The following NDRG2 variants were observed in gnomAD, a reference collection of about 807,000 sequenced individuals.
NDRG2 encodes NDRG family member 2.
In NDRG2, 34 loss-of-function variants were observed where a neutral mutation model predicts 58.2. The observed-to-expected ratio is 0.58, with a 90% CI of 0.44 to 0.78. The LOEUF (loss-of-function observed/expected upper bound fraction) is 0.78, where lower values mean the gene tolerates loss of function less well. NDRG2 is among the 30% of genes least tolerant of loss of function. NDRG2 has a pLI of 0.00. For synonymous variants in NDRG2, 187 were observed against 175.9 expected, an observed-to-expected ratio of 1.06 and a Z score of -0.50; for missense variants, 434 against 471.2, an observed-to-expected ratio of 0.92 and a Z score of 0.73.
At chr14:21,034,106 G>A (rs1188953007) in intron 1 of NDRG2, 1 of 1,614,172 alleles carries the variant, frequency 6.2e-7, no homozygotes, top group South Asian at 1.1e-5. Flanking sequence ...TTTGCATCTT[G>A]CCTCGCATAT....
intron 1 of NDRG2, chr14:21,048,428 C>A (rs1323879582): frequency 6.6e-6 from 1 of 152,120 alleles, no homozygotes; most frequent in African/African-American, 2.4e-5. Context: ...GATAGAACGC[C>A]TCTTAGCTTA....
chr14:21,023,283 C>T lies in NDRG2; in HGVS notation c.33G>A (p.Glu11=), dbSNP rs1881807070. The T allele has an allele frequency of 6.2e-7, 1 of 1,613,950 alleles. No homozygotes were observed. The highest frequency in any genetic ancestry group is 8.5e-7 in the Non-Finnish European group (1 of 1,179,948). MAELQEVQIT[E]EKPLLPGQTP... is the part of the protein sequence containing the mutation. ...TCTGTCCTGGCAACAGTGGCTTCTC[C>T]TCTGTGATCTGCACCTCCTGCAGCT... The change falls in exon 2 of 16, where the codon GAG becomes GAA. Residue 11 remains glutamate (E), a synonymous_variant. Transcript: ENST00000556147.
Position 21,023,248 on chromosome 14 carries a change from G to C in NDRG2, c.68C>G (p.Ala23Gly), listed in dbSNP as rs765195183. 1.2e-6 allele frequency: 2 copies of C among 1,613,640 alleles called. No homozygotes were observed. Among genetic ancestry groups the C allele is most frequent in the African/African-American group, 2.7e-5 (2 of 74,904 alleles). Residue 23 changes from alanine to glycine, a missense_variant, in exon 2 of 16, where the codon GCG (alanine) becomes GGG (glycine). By Grantham distance (60) the Ala-to-Gly change is moderately conservative (BLOSUM62 0). Coordinates refer to ENST00000556147, the MANE Select transcript of NDRG2 (RefSeq NM_001320329.2). ...KPLLPGQTPE[A>G]AKEAELAARI... The stretch of plus-strand genomic sequence containing the variant: ...CAAACGGTCTCTAATAACCTTGGCC[G>C]CCTCAGGCGTCTGTCCTGGCAACAG...
intron 10 of NDRG2, 97 bp downstream of exon 10, chr14:21,019,542 C>T (rs769655075): frequency 1.8e-5 from 14 of 791,422 alleles, no homozygotes; most frequent in Non-Finnish European, 2.7e-5. Flanking sequence ...ACATTGCACA[C>T]TACCCAGACT....
chr14:21,043,205 C>A lies in NDRG2; in HGVS notation c.25-19884G>T, dbSNP rs1295907474. 3.1e-6 allele frequency: 5 copies of A among 1,614,114 alleles called. No homozygotes were observed. The African/African-American group carries it at 5.3e-5, about 17-fold the overall frequency. Reference sequence around the variant, plus strand: ...AACGGTGCAAAGACCTCAACACCTTCCTGCACGAGCCTTTCTCCAGTGTGG... The same window carrying A: ...AACGGTGCAAAGACCTCAACACCTTACTGCACGAGCCTTTCTCCAGTGTGG... On this transcript the variant is annotated intron_variant, in intron 1 of 14. Coordinates refer to the NDRG2 transcript ENST00000403829.
At chr14:21,025,699 C>A, upstream of NDRG2, 1 of 984,706 alleles carries the variant, frequency 1.0e-6, no homozygotes, top group Non-Finnish European at 1.2e-6. The surrounding 1 kb of genome is among the most constrained non-coding windows in gnomAD (Gnocchi z 5.1). Flanking sequence ...TGCTGCGTCC[C>A]GACGCCTGCT....
chr14:21,022,521 A>G, intron 3 of NDRG2, 24 bp from the exon 4 acceptor site: 1 of 1,571,232 alleles, frequency 6.4e-7, no homozygotes, highest in South Asian at 1.1e-5. Flanking sequence ...GGGCACCAAG[A>G]GCTAGGCTCA....
intron 11 of NDRG2, 96 bp from the exon 12 acceptor site, chr14:21,018,910 AGAG>A: frequency 6.6e-7 from 1 of 1,508,430 alleles, no homozygotes; most frequent in South Asian, 1.2e-5. Flanking sequence ...CTGGCTCCAA[AGAG>A]GAAAGACACT....
At chr14:21,062,144 G>A (rs1404655916) in intron 1 of NDRG2, among the ~76,000 whole-genome samples, 2 of 152,198 alleles carry the variant, frequency 1.3e-5, no homozygotes, top group African/African-American at 4.8e-5. Flanking sequence ...AAACATAAGT[G>A]TTAAAAAGCC....
chr14:21,018,085 G>A, intron 14 of NDRG2, 47 bp from the exon 15 acceptor site: 1 of 1,606,914 alleles, frequency 6.2e-7, no homozygotes, highest in East Asian at 2.2e-5. Flanking sequence ...TGAGGTTAGA[G>A]GAAGAGCTGG....
chr14:21,052,637 G>C (rs1885516305), intron 1 of NDRG2, among the ~76,000 whole-genome samples: 1 of 152,206 alleles, frequency 6.6e-6, no homozygotes, highest in African/African-American at 2.4e-5. Flanking sequence ...CATACGGAAT[G>C]GGTAGACTGG....
chr14:21,066,243 G>C (rs1886255457), intron 1 of NDRG2, among the ~76,000 whole-genome samples: 1 of 151,974 alleles, frequency 6.6e-6, no homozygotes, highest in African/African-American at 2.4e-5. Context: ...AGGCAGAAAA[G>C]GAATCATGAT....
At chr14:21,028,509 C>T (rs1185442686), upstream of NDRG2, 1 of 152,138 alleles carries the variant, frequency 6.6e-6, no homozygotes, top group Non-Finnish European at 1.5e-5. Flanking sequence ...CCACTGTGCC[C>T]TGCCCAAGAA....
At chr14:21,059,856 T>G (rs1438794680) in intron 1 of NDRG2, among the ~76,000 whole-genome samples, 1 of 152,214 alleles carries the variant, frequency 6.6e-6, no homozygotes, top group Non-Finnish European at 1.5e-5. Context: ...CCTCTCAATT[T>G]CTGTACTTGT....
intron 1 of NDRG2, among the ~76,000 whole-genome samples, chr14:21,059,580 G>T (rs959688754): frequency 1.3e-5 from 2 of 151,822 alleles, no homozygotes; most frequent in African/African-American, 2.4e-5. Flanking sequence ...CTGCAGTCTC[G>T]ACATCCTGGG....
intron 1 of NDRG2, chr14:21,034,424 G>T: frequency 1.5e-6 from 1 of 674,294 alleles, no homozygotes; most frequent in South Asian, 2.0e-5. Context: ...AAGTTCTCAT[G>T]ACCCAGAAAG....
At chr14:21,046,701 T>C (rs1353428968) in intron 1 of NDRG2, among the ~76,000 whole-genome samples, 2 of 152,160 alleles carry the variant, frequency 1.3e-5, no homozygotes, top group Non-Finnish European at 2.9e-5. Context: ...AAAACTTAAC[T>C]ACTAATAGCC....
At chr14:21,057,617 T>TTATATATATATATATATATATATATATA (rs1344480231) in intron 1 of NDRG2, among the ~76,000 whole-genome samples, 6 of 30,482 alleles carry the variant, frequency 2.0e-4, no homozygotes, top group African/African-American at 4.9e-4. Flanking sequence ...CTCATTTTAT[T>TTATATATATATATATATATATATATATA]CATATATATA....
chr14:21,036,839 A>C (rs566956728), intron 1 of NDRG2, among the ~76,000 whole-genome samples: 1 of 152,324 alleles, frequency 6.6e-6, no homozygotes, highest in African/African-American at 2.4e-5. Flanking sequence ...CCGTCAAGCA[A>C]GTGAGGATAG....
Sources: allele counts gnomAD v4.1 joint callset (sites outside exome capture counted in the v4.1 genomes callset), GRCh38; gene constraint gnomAD v4.1.1; non-coding constraint Gnocchi (gnomAD v3.1); transcripts MANE v1.5; gene names NCBI Gene and HGNC (gene_info 2026-07-23, HGNC 2026-07-21).